The following APBB2 variants were observed in gnomAD, a reference collection of about 807,000 sequenced individuals.
The protein encoded by APBB2 is amyloid beta precursor protein binding family B member 2.
A neutral mutation model predicts 82.5 loss-of-function variants in APBB2; 38 were observed. The ratio of observed to expected loss-of-function variants is 0.46; its 90% confidence interval spans 0.36 to 0.60. APBB2 has a LOEUF of 0.60. Among genes scored for constraint, APBB2 ranks in the 20% least tolerant of loss-of-function variants. The pLI, the probability that APBB2 is intolerant of heterozygous loss-of-function variation, is 0.00. For synonymous variants in APBB2, 341 were observed against 368.2 expected (o/e 0.93, Z 0.85); for missense variants, 772 against 972.3 (o/e 0.79, Z 2.74).
At chr4:40,956,136 T>C (rs976578281) in intron 6 of APBB2, among the ~76,000 whole-genome samples, 2 of 152,154 alleles carry the variant, frequency 1.3e-5, no homozygotes, top group Non-Finnish European at 2.9e-5. Flanking sequence ...TTTTTCTCTC[T>C]CACTACTTAG....
chr4:40,885,693 T>C (rs772705274), intron 12 of APBB2, among the ~76,000 whole-genome samples: 1 of 152,226 alleles, frequency 6.6e-6, no homozygotes, highest in Non-Finnish European at 1.5e-5. Flanking sequence ...GTAATTCCAA[T>C]TTTTCTTAAT....
intron 7 of APBB2, among the ~76,000 whole-genome samples, chr4:40,942,742 T>C (rs1012042592): frequency 4.6e-5 from 7 of 151,934 alleles, no homozygotes; most frequent in African/African-American, 1.5e-4. Context: ...AGGGGTACGA[T>C]GCAGGCACAG....
At chr4:40,883,116 C>T (rs1229051944) in intron 12 of APBB2, among the ~76,000 whole-genome samples, 1 of 152,208 alleles carries the variant, frequency 6.6e-6, no homozygotes, top group Admixed American at 6.5e-5. Flanking sequence ...TGGCAGTGCC[C>T]ACTGCAGCTG....
At chr4:40,930,436 T>G (rs902276279) in intron 10 of APBB2, among the ~76,000 whole-genome samples, 2 of 39,600 alleles carry the variant, frequency 5.1e-5, no homozygotes, top group Non-Finnish European at 1.1e-4. Flanking sequence ...TGTGTGTGTG[T>G]GTGTGTGTGT....
Position 41,002,457 on chromosome 4 carries a change from T to G in APBB2, c.835+11126A>C, listed in dbSNP as rs144885454. 1.6e-3 allele frequency among the ~76,000 whole-genome samples: 249 copies of G among 152,336 alleles called. 1 individual carries two copies. Among genetic ancestry groups the G allele is most frequent in the African/African-American group, 5.7e-3 (239 of 41,574 alleles). The stretch of plus-strand genomic sequence containing the variant: ...GGATGCTGCTACTATGGCATCACAC[T>G]TGTATGCAGCTGTAACAGGCAAGAT... On this transcript the variant is annotated intron_variant, in intron 6 of 17. Transcript: ENST00000508593.
rs547081437 is a variant in APBB2 at position 40,878,392 on chromosome 4, A to C, written c.1529+11972T>G. 1.2e-4 allele frequency among the ~76,000 whole-genome samples: 19 copies of C among 152,234 alleles called. 1 individual carries two copies. In the South Asian group the frequency reaches 3.7e-3, roughly 30 times the overall value. Reference sequence around the variant, plus strand: ...AACAAAAAAAACAAAATAAAAGAGAAGCAATCAGAAGCTTATCTAATGCAC... The same window carrying C: ...AACAAAAAAAACAAAATAAAAGAGACGCAATCAGAAGCTTATCTAATGCAC... On this transcript the variant is annotated intron_variant, in intron 12 of 17. Coordinates refer to ENST00000508593, the MANE Select transcript of APBB2 (RefSeq NM_004307.2).
chr4:41,081,755 C>A (rs1031750762), intron 3 of APBB2, among the ~76,000 whole-genome samples: 2 of 152,088 alleles, frequency 1.3e-5, no homozygotes, highest in African/African-American at 4.8e-5. Flanking sequence ...TATAATCTTT[C>A]AACCATCTTA....
chr4:41,150,729 T>C (rs1343589935), intron 1 of APBB2, among the ~76,000 whole-genome samples: 1 of 152,188 alleles, frequency 6.6e-6, no homozygotes, highest in Non-Finnish European at 1.5e-5. Flanking sequence ...TCTCACCTCC[T>C]CACCGTTTTT....
intron 10 of APBB2, among the ~76,000 whole-genome samples, chr4:40,910,518 C>T (rs1014300020): frequency 6.6e-6 from 1 of 152,192 alleles, no homozygotes; most frequent in Non-Finnish European, 1.5e-5. Flanking sequence ...GGATTACAGG[C>T]ATGAGCCACT....
intron 6 of APBB2, among the ~76,000 whole-genome samples, chr4:41,002,507 G>A (rs1243014294): frequency 5.3e-5 from 8 of 152,178 alleles, no homozygotes; most frequent in Non-Finnish European, 1.0e-4. Flanking sequence ...TTCTTCTACC[G>A]TAACAGTTCC....
Position 40,898,453 on chromosome 4 carries a change from C to T in APBB2, c.1255-5042G>A, listed in dbSNP as rs113452469. Among the ~76,000 whole-genome samples the T allele has an allele frequency of 2.0e-3, 305 of 152,108 alleles. 2 individuals are homozygous for T. Among genetic ancestry groups the T allele is most frequent in the African/African-American group, 6.8e-3 (282 of 41,510 alleles). ...TAATTTTTTGTCTTTTTAGTAGAGACGGGGTTTCACCATGTTGGCCAGGCT... is the reference window on the plus strand; with the variant it reads ...TAATTTTTTGTCTTTTTAGTAGAGATGGGGTTTCACCATGTTGGCCAGGCT... On this transcript the variant is annotated intron_variant, in intron 10 of 17. Coordinates refer to ENST00000508593, the MANE Select transcript of APBB2 (RefSeq NM_004307.2).
chr4:41,181,297 G>A (rs181539756), intron 1 of APBB2, among the ~76,000 whole-genome samples: 7 of 152,230 alleles, frequency 4.6e-5, no homozygotes, highest in East Asian at 1.9e-4. Flanking sequence ...CTACTCTTTC[G>A]GTTGCCTTTT....
rs1011494792 is a variant in APBB2 at position 41,076,925 on chromosome 4, A to G, written c.-148-11252T>C. On this transcript the variant is annotated intron_variant, in intron 3 of 17. Transcript: ENST00000508593. ...ATTAATATTATAATCACAGAAATAAAAAAATCAACAGAGAGGTTAATAGAT... is the reference window on the plus strand; with the variant it reads ...ATTAATATTATAATCACAGAAATAAGAAAATCAACAGAGAGGTTAATAGAT... Among the ~76,000 whole-genome samples the G allele has an allele frequency of 6.6e-5, 10 of 152,202 alleles. No homozygotes were observed. The South Asian group carries it at 1.5e-3, about 22-fold the overall frequency.
Position 40,832,011 on chromosome 4 carries a change from T to TACAC in APBB2, c.1530-1435_1530-1434insGTGT, listed in dbSNP as rs1386389411. ...ACACACATATTTATATATTTATTTATATACACACACACACACACACACACA... is the reference window on the plus strand; with the variant it reads ...ACACACATATTTATATATTTATTTATACACATACACACACACACACACACACACA... On this transcript the variant is annotated intron_variant, in intron 12 of 17. Coordinates refer to ENST00000508593, the MANE Select transcript of APBB2 (RefSeq NM_004307.2). The surrounding 1 kb of genome is among the most constrained non-coding windows in gnomAD (Gnocchi z 4.8). 2.8e-4 allele frequency among the ~76,000 whole-genome samples: 14 copies of TACAC among 49,526 alleles called. No homozygotes were observed. The highest frequency in any genetic ancestry group is 3.7e-4 in the African/African-American group (7 of 19,102). The allele number at this position is 49,526 out of a possible 152,430, so 32.5% of individuals were successfully genotyped here. A position where few individuals can be genotyped will look rare whatever the true frequency, so the allele number is the denominator to read the frequency against.
chr4:40,853,225 G>T (rs1311741467), intron 12 of APBB2, among the ~76,000 whole-genome samples: 1 of 151,882 alleles, frequency 6.6e-6, no homozygotes, highest in African/African-American at 2.4e-5. Flanking sequence ...CTGGTCCCTC[G>T]TTTTCCACTC....
intron 3 of APBB2, among the ~76,000 whole-genome samples, chr4:41,073,248 A>T (rs1245216579): frequency 6.6e-6 from 1 of 152,212 alleles, no homozygotes; most frequent in African/African-American, 2.4e-5. Context: ...GAATTTTCAG[A>T]GTAAAAAAAA....
chr4:40,977,562 T>C (rs1483452168), intron 6 of APBB2, among the ~76,000 whole-genome samples: 2 of 152,150 alleles, frequency 1.3e-5, no homozygotes, highest in East Asian at 1.9e-4. Context: ...ATCCTCCCAC[T>C]TCGGCCTCCC....
chr4:41,208,356 G>C (rs1332750372), intron 1 of APBB2, among the ~76,000 whole-genome samples: 1 of 152,178 alleles, frequency 6.6e-6, no homozygotes, highest in Non-Finnish European at 1.5e-5. Context: ...CCACCTCCTG[G>C]GTTCAAGCGA....
intron 3 of APBB2, among the ~76,000 whole-genome samples, chr4:41,098,505 A>G (rs1560746008): frequency 6.6e-6 from 1 of 152,174 alleles, no homozygotes; most frequent in Non-Finnish European, 1.5e-5. Context: ...TTTAGTACAC[A>G]GAGATCTTTT....
Sources: gnomAD v4.1 joint callset for allele counts (sites outside exome capture counted in the v4.1 genomes callset) on GRCh38, gnomAD v4.1.1 for gene constraint, Gnocchi (gnomAD v3.1) non-coding constraint, MANE v1.5 for transcripts, NCBI Gene and HGNC (gene_info 2026-07-23, HGNC 2026-07-21) for gene names.